NTN1: variants seen among roughly 807,000 people sequenced by gnomAD.
The protein encoded by NTN1 is netrin 1.
A neutral mutation model predicts 54.2 loss-of-function variants in NTN1; 11 were observed. The observed-to-expected ratio is 0.20, with a 90% CI of 0.13 to 0.34. The LOEUF (loss-of-function observed/expected upper bound fraction) is 0.34. Ranked by LOEUF, NTN1 falls within the 10% of genes least tolerant of loss-of-function variation. NTN1 has a pLI of 1.00. For synonymous variants in NTN1, 371 were observed against 382.0 expected (o/e 0.97, Z 0.33); for missense variants, 740 against 893.1 (o/e 0.83, Z 2.18).
intron 5 of NTN1, among the ~76,000 whole-genome samples, chr17:9,203,285 G>T (rs1456113347): frequency 6.6e-6 from 1 of 151,936 alleles, no homozygotes; most frequent in Non-Finnish European, 1.5e-5. Context: ...TCCTGCCAAT[G>T]TGTTGATTCC....
chr17:9,045,495 C>T (rs568482421), intron 2 of NTN1, among the ~76,000 whole-genome samples: 49 of 152,256 alleles, frequency 3.2e-4, no homozygotes, highest in Admixed American at 2.6e-3. Flanking sequence ...ACGCCTGCCT[C>T]CATTTCTCCT....
intron 6 of NTN1, among the ~76,000 whole-genome samples, chr17:9,227,319 CACAT>C (rs1413253721): frequency 7.2e-6 from 1 of 138,474 alleles, no homozygotes; most frequent in Non-Finnish European, 1.6e-5. Context: ...ACACACCACA[CACAT>C]CAAACACAGA....
At chr17:9,209,122 C>T (rs770036897) in intron 5 of NTN1, among the ~76,000 whole-genome samples, 4 of 152,230 alleles carry the variant, frequency 2.6e-5, no homozygotes, top group East Asian at 1.9e-4. Flanking sequence ...ACCCATCTCA[C>T]GGCACCATAG....
In NTN1 at chr17:9,221,939, T is replaced by A. The variant is rs901468013; in HGVS notation, c.1486+697T>A. ...GCAGTGGCCAGCGGGCAGGTGTGTG[T>A]GAAGAGCTGGGGCTGGTGGCAGGGG... On this transcript the variant is annotated intron_variant, in intron 6 of 6. Coordinates refer to ENST00000173229, the MANE Select transcript of NTN1 (RefSeq NM_004822.3). The surrounding 1 kb of genome is among the most constrained non-coding windows in gnomAD (Gnocchi z 4.5). 1.3e-5 allele frequency among the ~76,000 whole-genome samples: 2 copies of A among 152,058 alleles called. No individual in the cohort carries two copies. The highest frequency in any genetic ancestry group is 4.8e-5 in the African/African-American group (2 of 41,406).
the NTN1 span, among the ~76,000 whole-genome samples, chr17:9,011,793 T>G: frequency 6.6e-6 from 1 of 152,144 alleles, no homozygotes; most frequent in Non-Finnish European, 1.5e-5. Context: ...TTTCACCATG[T>G]TGGCCAGGAT....
chr17:9,051,760 G>C (rs1353711517), intron 2 of NTN1, among the ~76,000 whole-genome samples: 1 of 152,122 alleles, frequency 6.6e-6, no homozygotes, highest in Non-Finnish European at 1.5e-5. Context: ...ATAGTCACCA[G>C]ACTGTACAAT....
intron 2 of NTN1, among the ~76,000 whole-genome samples, chr17:9,107,495 C>T (rs548625295): frequency 3.9e-5 from 6 of 152,276 alleles, no homozygotes; most frequent in East Asian, 3.9e-4. Flanking sequence ...GCGGGAGGAA[C>T]GCTGTGTGAA....
chr17:9,232,015 G>A (rs893327281), intron 6 of NTN1, among the ~76,000 whole-genome samples: 26 of 152,218 alleles, frequency 1.7e-4, no homozygotes, highest in African/African-American at 4.6e-4. Context: ...CTGGTTGGCT[G>A]CTCCAGCCAG....
rs573591261 is a variant in NTN1 at position 9,221,385 on chromosome 17, C to T, written c.1486+143C>T. On this transcript the variant is annotated intron_variant, in intron 6 of 6. Transcript: ENST00000173229. The surrounding 1 kb of genome is among the most constrained non-coding windows in gnomAD (Gnocchi z 4.5). ...ATGGGAACTAGCCGGACGGATCCCA[C>T]GCCTGGGAATTTCTCATCTTTTCCT... 6.6e-4 allele frequency: 451 copies of T among 679,424 alleles called. 3 individuals are homozygous for T. The highest frequency in any genetic ancestry group is 2.3e-3 in the East Asian group (87 of 38,494). The allele number at this position is 679,424 out of a possible 1,614,324, so 42.1% of individuals were successfully genotyped here. A position where few individuals can be genotyped will look rare whatever the true frequency, so the allele number is the denominator to read the frequency against.
At chr17:9,169,860 G>A (rs553005005) in intron 3 of NTN1, among the ~76,000 whole-genome samples, 11 of 152,276 alleles carry the variant, frequency 7.2e-5, no homozygotes, top group South Asian at 4.1e-4. Flanking sequence ...GCGAGACTCC[G>A]TCTCAAAGAA....
intron 2 of NTN1, among the ~76,000 whole-genome samples, chr17:9,139,668 C>T (rs2092291699): frequency 6.6e-6 from 1 of 152,190 alleles, no homozygotes; most frequent in South Asian, 2.1e-4. Flanking sequence ...CACCCTCGTC[C>T]TCAGGGACTA....
chr17:9,185,726 G>A (rs2092431318), intron 5 of NTN1, among the ~76,000 whole-genome samples: 1 of 152,096 alleles, frequency 6.6e-6, no homozygotes, highest in African/African-American at 2.4e-5. Context: ...AGCACTCAAG[G>A]AAAAAAGACA....
At chr17:9,134,296 G>A (rs867319164) in intron 2 of NTN1, among the ~76,000 whole-genome samples, 10 of 152,112 alleles carry the variant, frequency 6.6e-5, no homozygotes, top group African/African-American at 1.9e-4. Flanking sequence ...GCCAATAACA[G>A]CTGTCCTCTT....
chr17:9,115,850 G>A (rs977960640), intron 2 of NTN1, among the ~76,000 whole-genome samples: 12 of 152,248 alleles, frequency 7.9e-5, no homozygotes, highest in East Asian at 5.8e-4. Flanking sequence ...GGCAGCAGCC[G>A]TGTACTCGCC....
At chr17:9,045,321 A>G (rs546769084) in intron 2 of NTN1, among the ~76,000 whole-genome samples, 3 of 152,338 alleles carry the variant, frequency 2.0e-5, no homozygotes, top group Admixed American at 2.0e-4. Context: ...GTGAGGCCAC[A>G]GCGACTCACT....
At chr17:9,230,766 C>A (rs1382783278) in intron 6 of NTN1, among the ~76,000 whole-genome samples, 2 of 152,144 alleles carry the variant, frequency 1.3e-5, no homozygotes, top group East Asian at 3.9e-4. Flanking sequence ...GAAGGGCCCT[C>A]CCTGGGATCT....
At chr17:9,026,771 T>C (rs1257482812) in intron 2 of NTN1, among the ~76,000 whole-genome samples, 1 of 152,048 alleles carries the variant, frequency 6.6e-6, no homozygotes, top group Non-Finnish European at 1.5e-5. Context: ...ATCTAGTATT[T>C]AGCATGACGA....
chr17:9,142,914 G>A (rs1305121855), intron 2 of NTN1, among the ~76,000 whole-genome samples: 2 of 152,290 alleles, frequency 1.3e-5, no homozygotes, highest in Non-Finnish European at 2.9e-5. Context: ...GTTAGATGAC[G>A]TAATAAAATC....
At chr17:9,164,446 A>G (rs2092368066) in intron 3 of NTN1, among the ~76,000 whole-genome samples, 1 of 150,554 alleles carries the variant, frequency 6.6e-6, no homozygotes, top group South Asian at 2.1e-4. Flanking sequence ...AAGAAAGAAC[A>G]TCTTGGGGGA....
Sources: allele counts gnomAD v4.1 joint callset (sites outside exome capture counted in the v4.1 genomes callset), GRCh38; gene constraint gnomAD v4.1.1; non-coding constraint Gnocchi (gnomAD v3.1); transcripts MANE v1.5; gene names NCBI Gene and HGNC (gene_info 2026-07-23, HGNC 2026-07-21).